The following NPVF variants were observed in gnomAD, a reference collection of about 807,000 sequenced individuals.
NPVF encodes the protein pro-FMRFamide-related neuropeptide VF.
In NPVF, 17 loss-of-function variants were observed where a neutral mutation model predicts 15.7. The ratio of observed to expected loss-of-function variants is 1.08; its 90% confidence interval spans 0.74 to 1.62. NPVF has a LOEUF of 1.62. NPVF is among the 40% of genes most tolerant of loss of function. The pLI is 0.00. For missense variants in NPVF, 270 were observed against 225.2 expected, an observed-to-expected ratio of 1.20 and a Z score of -1.27; for synonymous variants, 70 against 80.1, an observed-to-expected ratio of 0.87 and a Z score of 0.67.
At chr7:25,225,240 T>C (rs1783110793) in intron 2 of NPVF, 67 bp from the exon 3 acceptor site, 1 of 1,256,538 alleles carries the variant, frequency 8.0e-7, no homozygotes, top group Non-Finnish European at 1.2e-6. Context: ...TGTATACAAA[T>C]ACAAGCCATA....
At chr7:25,225,571 A>G (rs2391085) in intron 2 of NPVF, among the ~76,000 whole-genome samples, 15,721 of 152,186 alleles carry the variant, frequency 0.1, 968 homozygotes, top group African/African-American at 0.17. Context: ...TCTTCTTCAC[A>G]TCCTTTTTGC....
rs1783136392 is a variant in NPVF, at chr7:25,226,816, C to T, written c.349G>A (p.Glu117Lys). ...GGAACACGTCTCACGAGGCTCACCT[C>T]CATATTTCTTCCAGATCTCAGAGGC... is the stretch of plus-strand genomic sequence containing the variant. ...NLPLRSGRNM[E>K]VSLVRRVPNL... The change falls in exon 2 of 3, where the codon GAG becomes AAG. Residue 117 changes from glutamate (E) to lysine (K), a missense_variant. Glu to Lys is a moderately conservative substitution (Grantham distance 56, BLOSUM62 1). Coordinates refer to ENST00000222674, the MANE Select transcript of NPVF (RefSeq NM_022150.3). 6.2e-7 allele frequency: 1 copy of T among 1,614,026 alleles called. No homozygotes were observed. Among genetic ancestry groups the T allele is most frequent in the African/African-American group, 1.3e-5 (1 of 74,936 alleles).
chr7:25,225,851 A>G (rs1783118938), intron 2 of NPVF, among the ~76,000 whole-genome samples: 1 of 152,124 alleles, frequency 6.6e-6, no homozygotes, highest in African/African-American at 2.4e-5. Context: ...GACAAAAATT[A>G]TGGGATTTGT....
intron 1 of NPVF, among the ~76,000 whole-genome samples, chr7:25,227,970 C>T (rs1419739474): frequency 2.0e-4 from 31 of 152,260 alleles, no homozygotes. Context: ...TAGTTTAAAA[C>T]AATTTGAATG....
intron 1 of NPVF, among the ~76,000 whole-genome samples, 177 bp from the exon 2 acceptor site, chr7:25,227,203 A>G (rs1783141726): frequency 6.6e-6 from 1 of 152,180 alleles, no homozygotes; most frequent in African/African-American, 2.4e-5. Context: ...AAAGCAATAT[A>G]GTTTCTCTGT....
chr7:25,226,659 T>C lies in NPVF; in HGVS notation c.506A>G (p.Gln169Arg), dbSNP rs1195883374. The C allele has an allele frequency of 1.2e-6, 2 of 1,613,956 alleles. No homozygotes were observed. Among genetic ancestry groups the C allele is most frequent in the Non-Finnish European group, 1.7e-6 (2 of 1,179,918 alleles). ...DLFYSMTCQHQEIQNPDQKQS... is the reference protein window; with the variant it reads ...DLFYSMTCQHREIQNPDQKQS... ...TTTTTGATCGGGATTCTGGATTTCTTGGTGCTGGCAGGTCATGGAGTAAAA... is the reference window on the plus strand; with the variant it reads ...TTTTTGATCGGGATTCTGGATTTCTCGGTGCTGGCAGGTCATGGAGTAAAA... Residue 169 changes from glutamine to arginine, a missense_variant, in exon 2 of 3, where the codon CAA becomes CGA. Transcript: ENST00000222674.
At chr7:25,227,547 A>T (rs971893358) in intron 1 of NPVF, among the ~76,000 whole-genome samples, 2 of 152,110 alleles carry the variant, frequency 1.3e-5, no homozygotes, top group South Asian at 2.1e-4. Context: ...TTTTTATTCT[A>T]TCTTACTCAG....
In NPVF at chr7:25,225,160, TGAATAG is replaced by T. The variant is rs768601361; in HGVS notation, c.547_552del (p.Leu183_Phe184del). 3,303 of 1,612,990 alleles carry T rather than the reference TGAATAG, an allele frequency of 2.0e-3. 7 individuals are homozygous for T. Among genetic ancestry groups the T allele is most frequent in the Admixed American group, 2.6e-3 (158 of 59,966 alleles). On this transcript the variant is annotated inframe_deletion, in exon 3 of 3. Coordinates refer to ENST00000222674, the MANE Select transcript of NPVF (RefSeq NM_022150.3). ...TTCAATTCTGCATCATCTATTTTCT[TGAATAG>T]CAGTCTCCTAAAATGTAAGCAGTAT...
chr7:25,226,263 G>A (rs559251464), intron 2 of NPVF, among the ~76,000 whole-genome samples: 1 of 152,232 alleles, frequency 6.6e-6, no homozygotes, highest in Non-Finnish European at 1.5e-5. Flanking sequence ...TATTGAGATG[G>A]GGTCCTTTGC....
rs1783138234 is a variant in NPVF, at chr7:25,226,944, C to T, written c.221G>A (p.Ser74Asn). ...DWGPKNVIKM[S>N]TPAVNKMPHS... Reference sequence around the variant, plus strand: ...TGGCATTTTATTGACTGCAGGTGTACTCATCTTAATAACATTTTTTGGTCC... The same window carrying T: ...TGGCATTTTATTGACTGCAGGTGTATTCATCTTAATAACATTTTTTGGTCC... Residue 74 changes from serine (S) to asparagine (N), a missense_variant, in exon 2 of 3, where the codon AGT becomes AAT. Coordinates refer to ENST00000222674, the MANE Select transcript of NPVF (RefSeq NM_022150.3). 1.9e-6 allele frequency: 3 copies of T among 1,610,852 alleles called. No homozygotes were observed. The highest frequency in any genetic ancestry group is 2.5e-6 in the Non-Finnish European group (3 of 1,179,162).
chr7:25,225,315 G>A (rs771263217), intron 2 of NPVF, 142 bp from the exon 3 acceptor site: 4 of 661,110 alleles, frequency 6.1e-6, no homozygotes, highest in African/African-American at 1.8e-5. Flanking sequence ...AGATATTGGG[G>A]GGATGCTGAA....
At chr7:25,228,273 C>T (rs1490927522) in intron 1 of NPVF, 29 bp downstream of exon 1, 2 of 1,339,590 alleles carry the variant, frequency 1.5e-6, no homozygotes, top group South Asian at 1.2e-5. Context: ...ATTAATGCTA[C>T]TCACATTAGA....
In NPVF at chr7:25,226,840, G is replaced by A; in HGVS notation, c.325C>T (p.Pro109Ser). The change falls in exon 2 of 3, where the codon CCT (proline) becomes TCT (serine). Residue 109 changes from proline (P) to serine (S), a missense_variant. Pro to Ser is a moderately conservative substitution (Grantham distance 74). Transcript: ENST00000222674. The part of the protein sequence containing the change: ...ERSAGATANL[P>S]LRSGRNMEVS... ...TCCATATTTCTTCCAGATCTCAGAG[G>A]CAGGTTGGCTGTTGCTCCAGCACTT... 6.2e-7 allele frequency: 1 copy of A among 1,614,170 alleles called. No homozygotes were observed. Among genetic ancestry groups the A allele is most frequent in the Non-Finnish European group, 8.5e-7 (1 of 1,180,038 alleles).
intron 1 of NPVF, 40 bp downstream of exon 1, chr7:25,228,262 A>G (rs756868651): frequency 2.3e-5 from 28 of 1,229,422 alleles, no homozygotes; most frequent in Non-Finnish European, 3.1e-5. Flanking sequence ...AATATTATGT[A>G]ATTAATGCTA....
intron 1 of NPVF, among the ~76,000 whole-genome samples, chr7:25,227,601 T>C (rs1180923995): frequency 2.0e-5 from 3 of 152,182 alleles, no homozygotes; most frequent in Non-Finnish European, 2.9e-5. Context: ...TGCATTTTTA[T>C]TAGAATATAA....
At chr7:25,227,109 T>C in intron 1 of NPVF, 83 bp from the exon 2 acceptor site, 1 of 1,186,394 alleles carries the variant, frequency 8.4e-7, no homozygotes, top group East Asian at 2.3e-5. Context: ...AAATCTAGAC[T>C]TTAATCTGCA....
rs1212071428 is a variant in NPVF at position 25,228,383 on chromosome 7, C to T, written c.57G>A (p.Leu19=). Reference sequence around the variant, plus strand: ...CTGCACAAAAAATGTTTGATGTTAACAAGCTTGAAGTGGCTAAAGTCAATA... The same window carrying T: ...CTGCACAAAAAATGTTTGATGTTAATAAGCTTGAAGTGGCTAAAGTCAATA... ...FILLTLATSS[L]LTSNIFCADE... is the part of the protein sequence containing the mutation. The change falls in exon 1 of 3, where the codon TTG becomes TTA. Residue 19 remains leucine (L), a synonymous_variant. Coordinates refer to ENST00000222674, the MANE Select transcript of NPVF (RefSeq NM_022150.3). 5 of 1,578,314 alleles carry T rather than the reference C, an allele frequency of 3.2e-6. No homozygotes were observed. Among genetic ancestry groups the T allele is most frequent in the Non-Finnish European group, 4.4e-6 (5 of 1,148,392 alleles).
intron 2 of NPVF, 149 bp downstream of exon 2, chr7:25,226,477 T>G (rs2115497528): frequency 1.1e-6 from 1 of 875,050 alleles, no homozygotes; most frequent in South Asian, 1.8e-5. Context: ...AATTTACAGG[T>G]ATTTAGTTCC....
chr7:25,225,362 G>A lies in NPVF; in HGVS notation c.540-189C>T, dbSNP rs961909433. 7.2e-5 allele frequency among the ~76,000 whole-genome samples: 11 copies of A among 152,106 alleles called. No individual in the cohort carries two copies. In the South Asian group the frequency reaches 2.1e-3, roughly 29 times the overall value. Reference sequence around the variant, plus strand: ...CACTCAGTCCCAAACACTTATCATTGATTCATCTCTCTCCCTCCACACCGC... The same window carrying A: ...CACTCAGTCCCAAACACTTATCATTAATTCATCTCTCTCCCTCCACACCGC... On this transcript the variant is annotated intron_variant, in intron 2 of 2. Coordinates refer to ENST00000222674, the MANE Select transcript of NPVF (RefSeq NM_022150.3).
Sources: gnomAD v4.1 joint callset for allele counts (sites outside exome capture counted in the v4.1 genomes callset) on GRCh38, gnomAD v4.1.1 for gene constraint, MANE v1.5 for transcripts, NCBI Gene and HGNC (gene_info 2026-07-23, HGNC 2026-07-21) for gene names.